The following PCDH9 variants were observed in gnomAD, a reference collection of about 807,000 sequenced individuals.
PCDH9 encodes protocadherin 9, also known as protocadherin-9.
A neutral mutation model predicts 70.6 loss-of-function variants in PCDH9; 24 were observed. That is an observed-to-expected ratio of 0.34 (90% CI 0.25 to 0.48). PCDH9 has a LOEUF of 0.48. Among genes scored for constraint, PCDH9 ranks in the 20% least tolerant of loss-of-function variants. PCDH9 has a pLI of 0.99. For missense variants in PCDH9, 1,281 were observed against 1,503.6 expected, an observed-to-expected ratio of 0.85 and a Z score of 2.45; for synonymous variants, 562 against 558.5, an observed-to-expected ratio of 1.01 and a Z score of -0.09.
At chr13:67,204,444 G>C (rs142208057) in intron 2 of PCDH9, 1 of 152,188 alleles carries the variant, frequency 6.6e-6, no homozygotes, top group Non-Finnish European at 1.5e-5. Flanking sequence ...CTTCACTTGT[G>C]TAATGTTGTC....
chr13:67,185,965 C>A (rs1210854649), intron 2 of PCDH9, among the ~76,000 whole-genome samples: 1 of 152,214 alleles, frequency 6.6e-6, no homozygotes, highest in Non-Finnish European at 1.5e-5. Flanking sequence ...CTCCCGACCT[C>A]AGGTGATCTG....
In PCDH9 at chr13:66,513,808, G is replaced by A. The variant is rs761678581; in HGVS notation, c.3340+117402C>T. Among the ~76,000 whole-genome samples the A allele has an allele frequency of 5.9e-4, 88 of 148,672 alleles. 3 individuals carry two copies. Among genetic ancestry groups the A allele is most frequent in the Admixed American group, 3.3e-4 (5 of 14,932 alleles). ...TTTTTTCCTCAAAGGTCCAGCATTC[G>A]TTTTTTAACAGTTTGGCAATGAGGT... On this transcript the variant is annotated intron_variant, in intron 4 of 4. Coordinates refer to ENST00000377865, the MANE Select transcript of PCDH9 (RefSeq NM_203487.3).
At chr13:67,185,391 C>T (rs926036324) in intron 2 of PCDH9, among the ~76,000 whole-genome samples, 42 of 152,214 alleles carry the variant, frequency 2.8e-4, no homozygotes, top group African/African-American at 8.9e-4. Context: ...TAATATTGTA[C>T]TATGCTGTAA....
At chr13:66,719,939 C>T (rs1023974027) in intron 3 of PCDH9, among the ~76,000 whole-genome samples, 2 of 152,164 alleles carry the variant, frequency 1.3e-5, no homozygotes, top group South Asian at 2.1e-4. Flanking sequence ...TAAAATCAAG[C>T]GTGGCAGTTC....
chr13:66,681,830 A>G (rs745414879), intron 3 of PCDH9, among the ~76,000 whole-genome samples: 1 of 151,876 alleles, frequency 6.6e-6, no homozygotes, highest in Non-Finnish European at 1.5e-5. Context: ...TTACTGTTCT[A>G]TTCCAGAGGA....
At chr13:67,022,357 G>A (rs891980615) in intron 2 of PCDH9, among the ~76,000 whole-genome samples, 2 of 151,936 alleles carry the variant, frequency 1.3e-5, no homozygotes, top group African/African-American at 4.8e-5. Flanking sequence ...CCGACCTCAG[G>A]TGATCTGCCC....
At chr13:66,771,907 G>A (rs9564347) in intron 3 of PCDH9, among the ~76,000 whole-genome samples, 40,233 of 152,044 alleles carry the variant, frequency 0.26, 5,838 homozygotes, top group East Asian at 0.43. Flanking sequence ...TTTTAGAAAA[G>A]CAAAGACATC....
At chr13:66,582,216 G>A (rs1443174053) in intron 4 of PCDH9, among the ~76,000 whole-genome samples, 1 of 152,032 alleles carries the variant, frequency 6.6e-6, no homozygotes, top group African/African-American at 2.4e-5. Flanking sequence ...CATATTAGAA[G>A]AATAGATTAT....
At chr13:66,657,868 C>T (rs1294145222) in intron 3 of PCDH9, among the ~76,000 whole-genome samples, 2 of 152,126 alleles carry the variant, frequency 1.3e-5, no homozygotes, top group African/African-American at 4.8e-5. Context: ...ATCTACAGTC[C>T]AATCGGCCCT....
chr13:67,186,755 G>A (rs796071221), intron 2 of PCDH9, among the ~76,000 whole-genome samples: 18 of 152,114 alleles, frequency 1.2e-4, no homozygotes, highest in African/African-American at 4.1e-4. Flanking sequence ...TAATTCATTA[G>A]ATATACTAAT....
rs1241579586 is a variant in PCDH9, at chr13:66,559,175, T to C, written c.3340+72035A>G. On this transcript the variant is annotated intron_variant, in intron 4 of 4. Transcript: ENST00000377865. ...TAAAGAATGAAAGATCTAAACCTTC[T>C]AGTGACTAACTTATATCCCATCAAA... Among the ~76,000 whole-genome samples the C allele has an allele frequency of 2.0e-5, 3 of 152,184 alleles. No individual in the cohort carries two copies. In the East Asian group the frequency reaches 5.8e-4, roughly 29 times the overall value.
At chr13:66,889,016 T>A (rs1394065647) in intron 3 of PCDH9, among the ~76,000 whole-genome samples, 2 of 152,204 alleles carry the variant, frequency 1.3e-5, no homozygotes, top group Non-Finnish European at 2.9e-5. Flanking sequence ...GGAAGATAGA[T>A]CCAGGTTAGG....
intron 2 of PCDH9, chr13:66,977,549 T>C (rs1204110143): frequency 6.6e-6 from 1 of 152,104 alleles, no homozygotes; most frequent in Non-Finnish European, 1.5e-5. Context: ...AGGGATATTA[T>C]TGTCTACATA....
chr13:66,711,652 G>A (rs1422164843), intron 3 of PCDH9, among the ~76,000 whole-genome samples: 1 of 152,074 alleles, frequency 6.6e-6, no homozygotes. Flanking sequence ...AGTAATTTTG[G>A]AAATAATGAA....
chr13:66,483,362 G>T (rs1270978175), intron 4 of PCDH9, among the ~76,000 whole-genome samples: 1 of 152,228 alleles, frequency 6.6e-6, no homozygotes, highest in African/African-American at 2.4e-5. Context: ...TATTTCAAGG[G>T]ACAATTGGAG....
chr13:67,063,530 C>CA (rs5804308), intron 2 of PCDH9, among the ~76,000 whole-genome samples: 130,077 of 147,936 alleles, frequency 0.88, 57,101 homozygotes, highest in East Asian at 0.97. Flanking sequence ...CTTTCCAAGG[C>CA]AAAAAAAAAA....
rs531239733 is a variant in PCDH9 at position 66,514,908 on chromosome 13, CAG to C, written c.3340+116300_3340+116301del. Among the ~76,000 whole-genome samples, 228 of 152,192 alleles carry C rather than the reference CAG, an allele frequency of 1.5e-3. 1 individual carries two copies. Among genetic ancestry groups the C allele is most frequent in the Non-Finnish European group, 2.8e-3 (189 of 67,922 alleles). The stretch of plus-strand genomic sequence containing the variant: ...TAAACCCATAATAGTCCATTTCATA[CAG>C]AGACATTTGTCTCAGTTTAAATTCA... On this transcript the variant is annotated intron_variant, in intron 4 of 4. Transcript: ENST00000377865.
chr13:66,854,218 C>G (rs952809528), intron 3 of PCDH9, among the ~76,000 whole-genome samples: 4 of 152,068 alleles, frequency 2.6e-5, no homozygotes, highest in Non-Finnish European at 5.9e-5. Flanking sequence ...GTTGTATGAC[C>G]TTAGTTTTAT....
intron 4 of PCDH9, among the ~76,000 whole-genome samples, chr13:66,524,564 T>C (rs1461648289): frequency 6.6e-6 from 1 of 151,844 alleles, no homozygotes; most frequent in Admixed American, 6.6e-5. Flanking sequence ...TAAAGGGGGG[T>C]GTTAATAATA....
Sources: allele counts gnomAD v4.1 joint callset (sites outside exome capture counted in the v4.1 genomes callset), GRCh38; gene constraint gnomAD v4.1.1; transcripts MANE v1.5; gene names NCBI Gene and HGNC (gene_info 2026-07-23, HGNC 2026-07-21).